The following SFTPD variants were observed in gnomAD, a reference collection of about 807,000 sequenced individuals.
SFTPD encodes the protein surfactant protein D, also known as pulmonary surfactant-associated protein D.
A neutral mutation model predicts 34.6 loss-of-function variants in SFTPD; 18 were observed. That is an observed-to-expected ratio of 0.52 (90% confidence interval 0.36 to 0.77). The LOEUF (loss-of-function observed/expected upper bound fraction) is 0.77, where lower values mean the gene tolerates loss of function less well. SFTPD is among the 30% of genes least tolerant of loss of function. The pLI, the probability that SFTPD is intolerant of heterozygous loss-of-function variation, is 0.00. For missense variants in SFTPD, 433 were observed against 468.9 expected (o/e 0.92, Z 0.71); for synonymous variants, 155 against 180.9 (o/e 0.86, Z 1.15).
chr10:79,946,700 G>A (rs1341049195), intron 1 of SFTPD, 38 bp from the exon 2 acceptor site: 2 of 1,572,640 alleles, frequency 1.3e-6, no homozygotes, highest in Non-Finnish European at 1.7e-6. Context: ...ACATGCTTAT[G>A]CTTCATGGAC....
chr10:79,973,783 C>T (rs556414096), intron 1 of SFTPD, among the ~76,000 whole-genome samples: 1 of 152,256 alleles, frequency 6.6e-6, no homozygotes, highest in African/African-American at 2.4e-5. Flanking sequence ...AGCTCTAGTT[C>T]ATAGCTTGCA....
At chr10:79,966,802 G>A (rs1842805323) in intron 1 of SFTPD, among the ~76,000 whole-genome samples, 1 of 144,868 alleles carries the variant, frequency 6.9e-6, no homozygotes, top group African/African-American at 2.7e-5. Context: ...TTCTACATAT[G>A]GCTAGCCAGT....
intron 1 of SFTPD, among the ~76,000 whole-genome samples, chr10:79,964,252 A>C (rs773695623): frequency 5.3e-5 from 8 of 152,120 alleles, no homozygotes; most frequent in Non-Finnish European, 8.8e-5. Flanking sequence ...CTCGCTACAC[A>C]AGGGTCCTCT....
intron 1 of SFTPD, among the ~76,000 whole-genome samples, chr10:79,958,670 C>A (rs1165331509): frequency 6.6e-6 from 1 of 152,250 alleles, no homozygotes; most frequent in East Asian, 1.9e-4. Context: ...TACAAAGAGA[C>A]TTAGACCCCC....
At chr10:79,945,012 C>T (rs1473488038) in intron 2 of SFTPD, among the ~76,000 whole-genome samples, 1 of 151,956 alleles carries the variant, frequency 6.6e-6, no homozygotes, top group Non-Finnish European at 1.5e-5. Context: ...AGCCCTCAGA[C>T]CTGTAACAGT....
At chr10:79,957,000 C>T (rs371806446) in intron 1 of SFTPD, among the ~76,000 whole-genome samples, 78 of 150,910 alleles carry the variant, frequency 5.2e-4, no homozygotes, top group East Asian at 3.6e-3. Context: ...CACCAAGATC[C>T]GCTGTTCTAC....
chr10:79,940,249 T>C (rs569509058), intron 7 of SFTPD, among the ~76,000 whole-genome samples: 1 of 152,146 alleles, frequency 6.6e-6, no homozygotes, highest in East Asian at 1.9e-4. Context: ...CCGTGTTGGG[T>C]AGCCCCTTAT....
Position 79,942,782 on chromosome 10 carries a change from C to T in SFTPD, c.297G>A (p.Lys99=), listed in dbSNP as rs17885228. Residue 99 remains lysine (K), a synonymous_variant, in exon 3 of 8, where the codon AAG becomes AAA. Transcript: ENST00000372292. ...GCTCACCACTTGGCCCAGTGTCTCC[C>T]TTTGGTCCAGGTTCTCCAACAGAGC... The part of the protein sequence containing the change: ...DNGSVGEPGP[K]GDTGPSGPPG... 30,049 of 1,612,094 alleles carry T rather than the reference C, an allele frequency of 0.019. 454 individuals carry two copies. The highest frequency in any genetic ancestry group is 0.076 in the African/African-American group (5,729 of 74,978).
chr10:79,975,537 C>A (rs1364949764), intron 1 of SFTPD, among the ~76,000 whole-genome samples: 1 of 152,104 alleles, frequency 6.6e-6, no homozygotes, highest in African/African-American at 2.4e-5. Context: ...TCCGGCGACC[C>A]TTCGACCTGG....
At chr10:79,982,252 GGGC>G in intron 1 of SFTPD, 3 of 915,190 alleles carry the variant, frequency 3.3e-6, no homozygotes, top group Non-Finnish European at 2.8e-6. Context: ...ATGGGACCGC[GGGC>G]GGCGGCGGGG....
chr10:79,963,093 A>G (rs1025677684), intron 1 of SFTPD, among the ~76,000 whole-genome samples: 2 of 152,174 alleles, frequency 1.3e-5, no homozygotes, highest in Non-Finnish European at 2.9e-5. Flanking sequence ...CTGTAATCCT[A>G]GCATTTTGGG....
intron 1 of SFTPD, among the ~76,000 whole-genome samples, chr10:79,980,724 T>C (rs1198400849): frequency 6.6e-6 from 1 of 152,270 alleles, no homozygotes; most frequent in Non-Finnish European, 1.5e-5. Flanking sequence ...ACTAAGGTGA[T>C]ACTTTTATGG....
At chr10:79,979,058 A>G (rs1842877466) in intron 1 of SFTPD, among the ~76,000 whole-genome samples, 2 of 152,194 alleles carry the variant, frequency 1.3e-5, no homozygotes, top group Non-Finnish European at 2.9e-5. Context: ...CTATCAACAA[A>G]CTATCAGAAA....
chr10:79,947,461 G>T (rs991187708), intron 1 of SFTPD, among the ~76,000 whole-genome samples: 5 of 152,140 alleles, frequency 3.3e-5, no homozygotes, highest in Admixed American at 3.3e-4. Context: ...AGGCCGAGGC[G>T]GGCAGATCAC....
intron 2 of SFTPD, 52 bp downstream of exon 2, chr10:79,946,409 A>G: frequency 5.9e-6 from 8 of 1,347,412 alleles, no homozygotes; most frequent in Non-Finnish European, 8.5e-6. Flanking sequence ...GGCTAGTTAC[A>G]GTTCCAATGA....
At chr10:79,948,802 A>G (rs1214135753) in intron 1 of SFTPD, among the ~76,000 whole-genome samples, 1 of 152,140 alleles carries the variant, frequency 6.6e-6, no homozygotes. Context: ...GTGGCATCCC[A>G]GGTCTAGATA....
intron 1 of SFTPD, among the ~76,000 whole-genome samples, chr10:79,955,762 A>C (rs1450522582): frequency 1.3e-5 from 2 of 152,092 alleles, no homozygotes; most frequent in Non-Finnish European, 2.9e-5. Flanking sequence ...TAGGCACTTT[A>C]CTCTTTGTTT....
intron 3 of SFTPD, 25 bp downstream of exon 3, chr10:79,942,738 C>A: frequency 6.9e-7 from 1 of 1,448,404 alleles, no homozygotes; most frequent in Non-Finnish European, 9.7e-7. Context: ...CTGGAAACAC[C>A]TGAAGTCGAC....
chr10:79,967,193 C>A (rs1283464405), intron 1 of SFTPD, among the ~76,000 whole-genome samples: 7 of 128,072 alleles, frequency 5.5e-5, no homozygotes, highest in African/African-American at 2.2e-4. Flanking sequence ...GAGTGAACTC[C>A]CATTCACAAT....
Sources: allele counts gnomAD v4.1 joint callset (sites outside exome capture counted in the v4.1 genomes callset), GRCh38; gene constraint gnomAD v4.1.1; transcripts MANE v1.5; gene names NCBI Gene and HGNC (gene_info 2026-07-23, HGNC 2026-07-21).